COG3: variants seen among roughly 807,000 people sequenced by gnomAD.
COG3 encodes conserved oligomeric Golgi complex subunit 3.
A neutral mutation model predicts 114.1 loss-of-function variants in COG3; 32 were observed. That is an observed-to-expected ratio of 0.28 (90% CI 0.21 to 0.38). COG3 has a LOEUF of 0.38. Among genes scored for constraint, COG3 ranks in the 10% least tolerant of loss-of-function variants. COG3 has a pLI of 1.00. For synonymous variants in COG3, 352 were observed against 365.7 expected (o/e 0.96, Z 0.43); for missense variants, 813 against 973.2 (o/e 0.84, Z 2.19).
chr13:45,501,796 A>G (rs1011324924), intron 13 of COG3, among the ~76,000 whole-genome samples: 1 of 152,166 alleles, frequency 6.6e-6, no homozygotes, highest in African/African-American at 2.4e-5. Context: ...AATTCATTTC[A>G]ATGCCTAGGT....
intron 1 of COG3, among the ~76,000 whole-genome samples, chr13:45,466,922 A>C (rs1180680127): frequency 6.6e-6 from 1 of 152,204 alleles, no homozygotes. Context: ...ATAGAAAGAT[A>C]AATAGGAAAG....
chr13:45,467,397 G>T (rs572784650), intron 1 of COG3, among the ~76,000 whole-genome samples: 1 of 152,330 alleles, frequency 6.6e-6, no homozygotes, highest in South Asian at 2.1e-4. Flanking sequence ...TTCAAGACCA[G>T]CCTGGCCAAC....
intron 16 of COG3, among the ~76,000 whole-genome samples, chr13:45,514,293 T>G (rs946635620): frequency 6.6e-6 from 1 of 151,494 alleles, no homozygotes; most frequent in Non-Finnish European, 1.5e-5. Context: ...CCCAAGTAGC[T>G]GGGATTACAG....
At chr13:45,528,559 C>T (rs1012787048) in intron 20 of COG3, among the ~76,000 whole-genome samples, 9 of 152,172 alleles carry the variant, frequency 5.9e-5, no homozygotes, top group Non-Finnish European at 1.0e-4. Flanking sequence ...TTTCTACCTC[C>T]AAACTAGTCC....
intron 1 of COG3, among the ~76,000 whole-genome samples, chr13:45,468,280 C>T (rs374223876): frequency 6.6e-6 from 1 of 152,130 alleles, no homozygotes; most frequent in Non-Finnish European, 1.5e-5. Context: ...ATGATGAGTA[C>T]TTATCTCATA....
intron 4 of COG3, 145 bp downstream of exon 4, chr13:45,480,435 C>A: frequency 1.7e-6 from 1 of 571,594 alleles, no homozygotes; most frequent in East Asian, 2.9e-5. Context: ...CAGATTGTTA[C>A]ACTGACAGCC....
At chr13:45,487,459 T>C (rs1203884533) in intron 8 of COG3, among the ~76,000 whole-genome samples, 3 of 152,230 alleles carry the variant, frequency 2.0e-5, no homozygotes, top group East Asian at 3.8e-4. Flanking sequence ...AGAGACAACC[T>C]GTAGAATGAT....
chr13:45,476,565 T>G (rs555724069), intron 2 of COG3, among the ~76,000 whole-genome samples: 1 of 152,324 alleles, frequency 6.6e-6, no homozygotes, highest in Admixed American at 6.5e-5. Context: ...AAACATGAGA[T>G]TCCATGTTTG....
intron 13 of COG3, among the ~76,000 whole-genome samples, chr13:45,500,051 T>TGA (rs1363050368): frequency 1.5e-5 from 1 of 68,776 alleles, no homozygotes; most frequent in Admixed American, 2.2e-4. Flanking sequence ...TGTGTGTGTG[T>TGA]GTGTGTGTGT....
At chr13:45,493,258 T>A in intron 11 of COG3, 89 bp from the exon 12 acceptor site, 1 of 1,028,078 alleles carries the variant, frequency 9.7e-7, no homozygotes, top group Non-Finnish European at 1.5e-6. Context: ...TTGTTCTTAT[T>A]GACTGGAAGA....
chr13:45,527,214 A>G (rs1408779093), intron 20 of COG3, among the ~76,000 whole-genome samples: 1 of 152,224 alleles, frequency 6.6e-6, no homozygotes, highest in Non-Finnish European at 1.5e-5. Flanking sequence ...TGTGCTCTTA[A>G]GCATTACTAG....
intron 1 of COG3, among the ~76,000 whole-genome samples, chr13:45,468,447 G>T (rs1212894473): frequency 6.6e-6 from 1 of 152,144 alleles, no homozygotes; most frequent in African/African-American, 2.4e-5. Flanking sequence ...CAGACCAAAG[G>T]TAAGAAAAGG....
At chr13:45,475,837 G>A (rs1239717601) in intron 1 of COG3, among the ~76,000 whole-genome samples, 2 of 151,758 alleles carry the variant, frequency 1.3e-5, no homozygotes, top group African/African-American at 2.4e-5. Context: ...GTGGTGTTGC[G>A]TGCCTGTAAT....
chr13:45,486,179 C>T (rs1886627829), intron 7 of COG3, among the ~76,000 whole-genome samples: 1 of 142,116 alleles, frequency 7.0e-6, no homozygotes. Context: ...TGCGTGCCTG[C>T]AATCGCAGGC....
At chr13:45,487,521 C>G (rs1048673502) in intron 8 of COG3, among the ~76,000 whole-genome samples, 2 of 152,106 alleles carry the variant, frequency 1.3e-5, no homozygotes, top group Admixed American at 6.5e-5. Context: ...TCAGAATATA[C>G]AAGGAACTTA....
chr13:45,500,352 C>T (rs1869394098), intron 13 of COG3, among the ~76,000 whole-genome samples: 1 of 151,900 alleles, frequency 6.6e-6, no homozygotes. Flanking sequence ...TGCTGTAGAC[C>T]TAAATATCTG....
intron 17 of COG3, among the ~76,000 whole-genome samples, chr13:45,516,790 G>A (rs939593472): frequency 6.6e-6 from 1 of 152,116 alleles, no homozygotes; most frequent in Non-Finnish European, 1.5e-5. Flanking sequence ...TGAGCATAAT[G>A]AACTTGTCAT....
chr13:45,499,912 G>A (rs1337346706), intron 13 of COG3, among the ~76,000 whole-genome samples: 1 of 151,984 alleles, frequency 6.6e-6, no homozygotes, highest in African/African-American at 2.4e-5. Flanking sequence ...TAGCTACTCG[G>A]GAGGCAGAGG....
At chr13:45,501,667 G>A (rs1869550211) in intron 13 of COG3, among the ~76,000 whole-genome samples, 1 of 152,164 alleles carries the variant, frequency 6.6e-6, no homozygotes, top group Non-Finnish European at 1.5e-5. Flanking sequence ...CATTAGGTGT[G>A]CTCGTTGCTA....
Sources: allele counts gnomAD v4.1 joint callset (sites outside exome capture counted in the v4.1 genomes callset), GRCh38; gene constraint gnomAD v4.1.1; transcripts MANE v1.5; gene names NCBI Gene and HGNC (gene_info 2026-07-23, HGNC 2026-07-21).